TGFBI: variants seen among roughly 807,000 people sequenced by gnomAD.
TGFBI encodes the protein transforming growth factor-beta-induced protein ig-h3.
TGFBI carries 50 observed loss-of-function variants against 73.7 expected under a neutral mutation model. That is an observed-to-expected ratio of 0.68 (90% CI 0.54 to 0.86). The LOEUF is 0.86. TGFBI is among the 40% of genes least tolerant of loss of function. The pLI is 0.00. For missense variants in TGFBI, 839 were observed against 877.0 expected (o/e 0.96, Z 0.55); for synonymous variants, 362 against 360.5 (o/e 1.00, Z -0.05).
At chr5:136,059,471 A>T (rs1191603049) in intron 13 of TGFBI, among the ~76,000 whole-genome samples, 1 of 152,190 alleles carries the variant, frequency 6.6e-6, no homozygotes, top group African/African-American at 2.4e-5. Context: ...GAGAGAGGCT[A>T]TTAGATCTTC....
chr5:136,029,317 A>G (rs4976361), intron 1 of TGFBI, 128 bp downstream of exon 1: 1,104,556 of 1,126,942 alleles, frequency 0.98, 541,386 homozygotes, highest in East Asian at 1. Flanking sequence ...ACCTTGCAGC[A>G]TGGAGCGCTC....
Position 136,049,523 on chromosome 5 carries a change from G to C in TGFBI, c.856G>C (p.Glu286Gln). ...TLLAPTNEAF[E>Q]KIPSETLNRI... The stretch of plus-strand genomic sequence containing the variant: ...TTTGGCCCCGACCAATGAGGCCTTC[G>C]AGAAGATCCCTAGTGAGACTTTGAA... The change falls in exon 7 of 17, where the codon GAG becomes CAG. Residue 286 changes from glutamate (E) to glutamine (Q), a missense_variant. Coordinates refer to ENST00000442011, the MANE Select transcript of TGFBI (RefSeq NM_000358.3). 1 of 1,613,950 alleles carries C rather than the reference G, an allele frequency of 6.2e-7. No homozygotes were observed. Among genetic ancestry groups the C allele is most frequent in the Non-Finnish European group, 8.5e-7 (1 of 1,179,878 alleles).
At chr5:136,055,858 C>A in intron 11 of TGFBI, 42 bp downstream of exon 11, 2 of 1,556,564 alleles carry the variant, frequency 1.3e-6, no homozygotes, top group South Asian at 2.4e-5. Flanking sequence ...GCCCAGTGGT[C>A]ATGCTGGAGT....
intron 2 of TGFBI, among the ~76,000 whole-genome samples, chr5:136,036,183 C>CAA (rs1338620417): frequency 6.6e-6 from 1 of 152,034 alleles, no homozygotes; most frequent in African/African-American, 2.4e-5. Flanking sequence ...CCAGTGAGCA[C>CAA]AAGGGGAGTC....
intron 3 of TGFBI, among the ~76,000 whole-genome samples, chr5:136,045,381 A>G (rs1181422266): frequency 6.6e-6 from 1 of 152,086 alleles, no homozygotes; most frequent in East Asian, 1.9e-4. Context: ...TGTCTCTACT[A>G]AAAATACAAA....
intron 1 of TGFBI, among the ~76,000 whole-genome samples, chr5:136,029,598 G>T (rs1359903895): frequency 1.3e-5 from 2 of 152,172 alleles, no homozygotes; most frequent in African/African-American, 4.8e-5. Context: ...ACCCAGCCAG[G>T]CCCCCGGCCA....
chr5:136,033,925 C>A, intron 2 of TGFBI, 64 bp downstream of exon 2: 3 of 1,360,508 alleles, frequency 2.2e-6, no homozygotes, highest in Non-Finnish European at 3.1e-6. Flanking sequence ...TCCCCAGGGC[C>A]TGGGCCAGCC....
intron 7 of TGFBI, among the ~76,000 whole-genome samples, chr5:136,050,358 T>G (rs185270043): frequency 6.6e-6 from 1 of 150,958 alleles, no homozygotes; most frequent in African/African-American, 2.4e-5. Context: ...AAAACAGTTA[T>G]AGTAGTCAAC....
chr5:136,059,802 C>T (rs888813811), intron 13 of TGFBI, among the ~76,000 whole-genome samples: 4 of 152,234 alleles, frequency 2.6e-5, no homozygotes, highest in African/African-American at 9.6e-5. Context: ...GGCTTCTACT[C>T]TCTGCTCCTC....
intron 2 of TGFBI, among the ~76,000 whole-genome samples, chr5:136,040,610 T>A (rs1561607739): frequency 6.6e-6 from 1 of 152,200 alleles, no homozygotes; most frequent in East Asian, 1.9e-4. Context: ...CCAAAAAGGT[T>A]GGGGACCGCT....
At position 136,031,362 on chromosome 5, in the gene TGFBI, T is replaced by A. The variant is rs1751116733; in HGVS notation, c.134+2173T>A. Reference sequence around the variant, plus strand: ...AAACTGTTAGAAAGGGAAGGAAAACTTTGCTATTTTAAGGAATTGTAGCGT... The same window carrying A: ...AAACTGTTAGAAAGGGAAGGAAAACATTGCTATTTTAAGGAATTGTAGCGT... On this transcript the variant is annotated intron_variant, in intron 1 of 16. Transcript: ENST00000442011. 3.3e-5 allele frequency among the ~76,000 whole-genome samples: 5 copies of A among 152,190 alleles called. No individual in the cohort carries two copies. In the South Asian group the frequency reaches 1.0e-3, roughly 31 times the overall value.
intron 16 of TGFBI, 120 bp from the exon 17 acceptor site, chr5:136,063,066 T>C: frequency 1.2e-6 from 1 of 846,758 alleles, no homozygotes; most frequent in South Asian, 1.6e-5. Flanking sequence ...GCACCTGCTA[T>C]GTGCAGGAGA....
intron 1 of TGFBI, among the ~76,000 whole-genome samples, chr5:136,032,858 GA>G (rs1751146948): frequency 2.0e-5 from 3 of 151,928 alleles, no homozygotes; most frequent in Middle Eastern, 6.8e-3. Flanking sequence ...TGGTATACTT[GA>G]AAAAAACATG....
At chr5:136,040,725 G>T (rs1437204832) in intron 2 of TGFBI, among the ~76,000 whole-genome samples, 1 of 152,256 alleles carries the variant, frequency 6.6e-6, no homozygotes, top group African/African-American at 2.4e-5. Flanking sequence ...TGGCTGATGA[G>T]ATTAGATTCA....
In TGFBI at chr5:136,061,525, T is replaced by A. The variant is rs770847660; in HGVS notation, c.1932T>A (p.Asp644Glu). The A allele has an allele frequency of 6.2e-7, 1 of 1,610,662 alleles. No homozygotes were observed. Among genetic ancestry groups the A allele is most frequent in the South Asian group, 1.1e-5 (1 of 90,014 alleles). Residue 644 changes from aspartate (D) to glutamate (E), a missense_variant, in exon 15 of 17, where the codon GAT becomes GAA. By Grantham distance (45) the Asp-to-Glu change is conservative. Transcript: ENST00000442011. ...CCAACAGACCTCAGGAAAGAGGGGA[T>A]GAACTTGCAGACTCTGCGCTTGAGA... is the stretch of plus-strand genomic sequence containing the variant. ...PPANRPQERG[D>E]ELADSALEIF...
chr5:136,039,391 T>C (rs541482902), intron 2 of TGFBI, among the ~76,000 whole-genome samples: 57 of 152,308 alleles, frequency 3.7e-4, no homozygotes, highest in African/African-American at 1.4e-3. Flanking sequence ...TGGCAGTTAG[T>C]GTCAGCGACT....
intron 2 of TGFBI, 63 bp from the exon 3 acceptor site, chr5:136,043,995 C>T: frequency 7.0e-7 from 1 of 1,420,902 alleles, no homozygotes; most frequent in Non-Finnish European, 9.9e-7. Context: ...TGGAGAGGGG[C>T]CAGATGACCT....
chr5:136,058,028 C>A (rs139000643), intron 12 of TGFBI, among the ~76,000 whole-genome samples: 145 of 152,176 alleles, frequency 9.5e-4, no homozygotes, highest in Middle Eastern at 3.4e-3. Context: ...GCCTGAGGCA[C>A]CCCTGGGGGA....
rs1308869821 is a variant in TGFBI, at chr5:136,047,343, A to G, written c.694A>G (p.Ile232Val). Residue 232 changes from isoleucine to valine, a missense_variant, in exon 6 of 17, where the codon ATC (isoleucine) becomes GTC (valine). By Grantham distance (29) the Ile-to-Val change is conservative. Transcript: ENST00000442011. The part of the protein sequence containing the change: ...HHATNGVVHL[I>V]DKVISTITNN... ...TGCAACCAACGGGGTGGTGCACCTC[A>G]TCGATAAGGTCATCTCCACCATCAC... The G allele has an allele frequency of 2.5e-6, 4 of 1,613,800 alleles. No homozygotes were observed. Among genetic ancestry groups the G allele is most frequent in the East Asian group, 2.2e-5 (1 of 44,840 alleles).
Sources: gnomAD v4.1 joint callset for allele counts (sites outside exome capture counted in the v4.1 genomes callset) on GRCh38, gnomAD v4.1.1 for gene constraint, MANE v1.5 for transcripts, NCBI Gene and HGNC (gene_info 2026-07-23, HGNC 2026-07-21) for gene names.